PCDHGC4: variants seen among roughly 807,000 people sequenced by gnomAD.
PCDHGC4 encodes the protein protocadherin gamma subfamily C, 4.
PCDHGC4 carries 15 observed loss-of-function variants against 59.7 expected under a neutral mutation model. That is an observed-to-expected ratio of 0.25 (90% CI 0.17 to 0.39). The LOEUF (loss-of-function observed/expected upper bound fraction) is 0.39, where lower values mean the gene tolerates loss of function less well. Among genes scored for constraint, PCDHGC4 ranks in the 10% least tolerant of loss-of-function variants. The probability of loss-of-function intolerance (pLI) is 1.00; values close to 1 mark genes in which losing one functional copy is unlikely to be tolerated. For missense variants in PCDHGC4, 1,016 were observed against 1,189.5 expected, an observed-to-expected ratio of 0.85 and a Z score of 2.15; for synonymous variants, 434 against 481.4, an observed-to-expected ratio of 0.90 and a Z score of 1.29.
intron 2 of PCDHGC4, among the ~76,000 whole-genome samples, chr5:141,501,061 G>T (rs746369272): frequency 1.5e-4 from 23 of 152,118 alleles, no homozygotes; most frequent in Non-Finnish European, 2.1e-4. Flanking sequence ...TAGAGACGGG[G>T]TTTCACCATG....
At position 141,494,872 on chromosome 5, in the gene PCDHGC4, G is replaced by T. The variant is rs917132299; in HGVS notation, c.2501+7G>T. On this transcript the variant is annotated splice_region_variant and intron_variant, in intron 2 of 3. Transcript: ENST00000306593. The stretch of plus-strand genomic sequence containing the variant: ...AGAGACCCGGCACCAGCGGGTAGGT[G>T]ACTGATTCTCCAGCCCACCCTCTTC... 7 of 1,614,010 alleles carry T rather than the reference G, an allele frequency of 4.3e-6. No homozygotes were observed. The highest frequency in any genetic ancestry group is 1.3e-5 in the African/African-American group (1 of 74,910).
At chr5:141,500,315 G>C (rs944076867) in intron 2 of PCDHGC4, among the ~76,000 whole-genome samples, 41 of 151,522 alleles carry the variant, frequency 2.7e-4, no homozygotes, top group African/African-American at 9.5e-4. Flanking sequence ...TTCACGCCAT[G>C]CTCCTGCCTC....
At position 141,487,578 on chromosome 5, in the gene PCDHGC4, C is replaced by T. The variant is rs1293087014; in HGVS notation, c.2405C>T (p.Pro802Leu). The T allele has an allele frequency of 1.2e-6, 2 of 1,614,052 alleles. No individual in the cohort carries two copies. Among genetic ancestry groups the T allele is most frequent in the Non-Finnish European group, 1.7e-6 (2 of 1,180,044 alleles). ...CCTATGGCAGGGGAGCCTGTTCGCC[C>T]AAGCTGCCCACCCTCTGATCTTCTC... ...SAPMAGEPVR[P>L]SCPPSDLLYG... is the part of the protein sequence containing the mutation. Residue 802 changes from proline to leucine, a missense_variant, in exon 1 of 4, where the codon CCA becomes CTA. By Grantham distance (98) the Pro-to-Leu change is moderately conservative (BLOSUM62 -3). Coordinates refer to ENST00000306593, the MANE Select transcript of PCDHGC4 (RefSeq NM_018928.3). The surrounding 1 kb of genome is among the most constrained non-coding windows in gnomAD (Gnocchi z 5.0).
chr5:141,495,005 C>T (rs555909709), intron 2 of PCDHGC4, 140 bp downstream of exon 2: 1,141 of 1,522,692 alleles, frequency 7.5e-4, no homozygotes, highest in Non-Finnish European at 8.4e-4. Context: ...TCTTGGTGTG[C>T]GGGGGGCTGG....
In PCDHGC4 at chr5:141,511,036, G is replaced by T; in HGVS notation, c.2680G>T (p.Val894Leu). The T allele has an allele frequency of 1.2e-6, 2 of 1,614,200 alleles. No homozygotes were observed. The highest frequency in any genetic ancestry group is 1.7e-6 in the Non-Finnish European group (2 of 1,180,024). Residue 894 changes from valine to leucine, a missense_variant, in exon 4 of 4, where the codon GTG (valine) becomes TTG (leucine). Transcript: ENST00000306593. ...RYGPQFTLQHVPDYRQNVYIP... is the reference protein window; with the variant it reads ...RYGPQFTLQHLPDYRQNVYIP... Reference sequence around the variant, plus strand: ...CGGACCCCAGTTCACCCTGCAGCACGTGCCCGACTACCGCCAGAATGTCTA... The same window carrying T: ...CGGACCCCAGTTCACCCTGCAGCACTTGCCCGACTACCGCCAGAATGTCTA...
chr5:141,486,346 C>G lies in PCDHGC4; in HGVS notation c.1173C>G (p.Asp391Glu). 1 of 1,614,120 alleles carries G rather than the reference C, an allele frequency of 6.2e-7. No individual in the cohort carries two copies. Among genetic ancestry groups the G allele is most frequent in the East Asian group, 2.2e-5 (1 of 44,874 alleles). ...SNGDVSLRIP[D>E]HLPFALKSAF... ...GAGATGTGAGCCTCCGCATTCCTGA[C>G]CACTTGCCATTTGCCCTCAAGTCTG... Residue 391 changes from aspartate (D) to glutamate (E), a missense_variant, in exon 1 of 4, where the codon GAC (aspartate) becomes GAG (glutamate). Coordinates refer to ENST00000306593, the MANE Select transcript of PCDHGC4 (RefSeq NM_018928.3). This position sits in a 1 kb window ranked among gnomAD's most constrained non-coding sequence, Gnocchi z 5.0.
chr5:141,491,783 A>C lies in PCDHGC4; in HGVS notation c.2443-3024A>C. 1 of 1,539,736 alleles carries C rather than the reference A, an allele frequency of 6.5e-7. No individual in the cohort carries two copies. The highest frequency in any genetic ancestry group is 1.2e-5 in the South Asian group (1 of 82,444). On this transcript the variant is annotated intron_variant, in intron 1 of 3. Coordinates refer to ENST00000306593, the MANE Select transcript of PCDHGC4 (RefSeq NM_018928.3). The surrounding 1 kb of genome is among the most constrained non-coding windows in gnomAD (Gnocchi z 6.9). ...CGTCCTCATAAGGGATTGAACTTGC[A>C]TCCACTCCTCTCCGGCCGGCTTGGT...
In PCDHGC4 at chr5:141,489,087, T is replaced by A. The variant is rs2099682381; in HGVS notation, c.2442+1472T>A. ...CCCCCTGCCCACCCCCGCCACTCGG[T>A]GACTAAGAACTGCTGCAAGCAGGCA... is the stretch of plus-strand genomic sequence containing the variant. On this transcript the variant is annotated intron_variant, in intron 1 of 3. Coordinates refer to ENST00000306593, the MANE Select transcript of PCDHGC4 (RefSeq NM_018928.3). This position sits in a 1 kb window ranked among gnomAD's most constrained non-coding sequence, Gnocchi z 4.5. The A allele has an allele frequency of 4.6e-6, 1 of 216,106 alleles. No individual in the cohort carries two copies. Among genetic ancestry groups the A allele is most frequent in the Non-Finnish European group, 8.4e-6 (1 of 118,734 alleles). 13.4% of individuals were successfully genotyped at this position (216,106 alleles called of 1,614,324 possible). A position where few individuals can be genotyped will look rare whatever the true frequency, so the allele number is the denominator to read the frequency against.
Position 141,510,957 on chromosome 5 carries a change from T to C in PCDHGC4, c.2601T>C (p.Asp867=), listed in dbSNP as rs372617587. ...MILASASEAA[D]GSSTLGGGAG... ...CCTCTGTCTCTGCAGAAGCTGCTGA[T>C]GGGAGCTCCACCCTGGGAGGGGGTG... Residue 867 remains aspartate, a synonymous_variant, in exon 4 of 4, where the codon GAT becomes GAC. Transcript: ENST00000306593. 2.5e-6 allele frequency: 4 copies of C among 1,614,134 alleles called. No individual in the cohort carries two copies. The highest frequency in any genetic ancestry group is 3.4e-6 in the Non-Finnish European group (4 of 1,180,004).
chr5:141,491,845 G>A lies in PCDHGC4; in HGVS notation c.2443-2962G>A. 6.8e-7 allele frequency: 1 copy of A among 1,463,944 alleles called. No homozygotes were observed. The highest frequency in any genetic ancestry group is 9.0e-7 in the Non-Finnish European group (1 of 1,106,126). 90.7% of individuals were successfully genotyped at this position (1,463,944 alleles called of 1,614,324 possible). ...CTCCACCCGATTCTCGGGATCATTGGACCGTTTGCGCGAAACCAGAGTGGC... is the reference window on the plus strand; with the variant it reads ...CTCCACCCGATTCTCGGGATCATTGAACCGTTTGCGCGAAACCAGAGTGGC... On this transcript the variant is annotated intron_variant, in intron 1 of 3. Coordinates refer to ENST00000306593, the MANE Select transcript of PCDHGC4 (RefSeq NM_018928.3). This position sits in a 1 kb window ranked among gnomAD's most constrained non-coding sequence, Gnocchi z 6.9.
In PCDHGC4 at chr5:141,485,580, A is replaced by C. The variant is rs761157560; in HGVS notation, c.407A>C (p.Gln136Pro). The C allele has an allele frequency of 6.2e-7, 1 of 1,612,610 alleles. No homozygotes were observed. The highest frequency in any genetic ancestry group is 2.2e-5 in the East Asian group (1 of 44,850). ...GATCACGCCCCCCGTTTTCCGCGGCAGCAGCTGGACTTGGAAATTGGGGAG... is the reference window on the plus strand; with the variant it reads ...GATCACGCCCCCCGTTTTCCGCGGCCGCAGCTGGACTTGGAAATTGGGGAG... ...VNDHAPRFPR[Q>P]QLDLEIGEAA... Residue 136 changes from glutamine (Q) to proline (P), a missense_variant, in exon 1 of 4, where the codon CAG (glutamine) becomes CCG (proline). Transcript: ENST00000306593. The surrounding 1 kb of genome is among the most constrained non-coding windows in gnomAD (Gnocchi z 5.7).
At position 141,485,162 on chromosome 5, in the gene PCDHGC4, C is replaced by A. The variant is rs759021453; in HGVS notation, c.-12C>A. The A allele has an allele frequency of 8.7e-6, 14 of 1,602,188 alleles. No individual in the cohort carries two copies. The Admixed American group carries it at 2.0e-4, about 23-fold the overall frequency. ...GTCTCAGGAGCAAGTAGAGAATTAGCGGGCGGCAGCAATGCTCCGCAAGGT... is the reference window on the plus strand; with the variant it reads ...GTCTCAGGAGCAAGTAGAGAATTAGAGGGCGGCAGCAATGCTCCGCAAGGT... On this transcript the variant is annotated 5_prime_UTR_variant, in exon 1 of 4. Transcript: ENST00000306593. The surrounding 1 kb of genome is among the most constrained non-coding windows in gnomAD (Gnocchi z 5.7).
chr5:141,510,472 G>A (rs1209464436), intron 3 of PCDHGC4, among the ~76,000 whole-genome samples: 7 of 152,102 alleles, frequency 4.6e-5, no homozygotes, highest in Non-Finnish European at 1.0e-4. Context: ...GGAGTCAGAG[G>A]CTCCCTTGAG....
rs779065098 is a variant in PCDHGC4 at position 141,491,758 on chromosome 5, C to T, written c.2443-3049C>T. 1.8e-5 allele frequency: 29 copies of T among 1,578,670 alleles called. No homozygotes were observed. Among genetic ancestry groups the T allele is most frequent in the Non-Finnish European group, 2.2e-5 (26 of 1,163,530 alleles). ...TGGGGGCGGCACTGGAGAAGCCGCC[C>T]GTCCTCATAAGGGATTGAACTTGCA... On this transcript the variant is annotated intron_variant, in intron 1 of 3. Transcript: ENST00000306593. The surrounding 1 kb of genome is among the most constrained non-coding windows in gnomAD (Gnocchi z 6.9).
chr5:141,490,910 A>G lies in PCDHGC4; in HGVS notation c.2442+3295A>G. The G allele has an allele frequency of 1.2e-6, 2 of 1,613,652 alleles. No individual in the cohort carries two copies. Among genetic ancestry groups the G allele is most frequent in the African/African-American group, 1.3e-5 (1 of 75,048 alleles). ...TCTCTGCATGTGTTTGTCCTAGACG[A>G]GAATGATAATGCCCCAGCTGTGCTG... On this transcript the variant is annotated intron_variant, in intron 1 of 3. Transcript: ENST00000306593. This position sits in a 1 kb window ranked among gnomAD's most constrained non-coding sequence, Gnocchi z 5.4.
Position 141,490,973 on chromosome 5 carries a change from G to A in PCDHGC4, c.2442+3358G>A, listed in dbSNP as rs774983500. 5.0e-6 allele frequency: 8 copies of A among 1,613,932 alleles called. No homozygotes were observed. The highest frequency in any genetic ancestry group is 2.2e-5 in the East Asian group (1 of 44,878). On this transcript the variant is annotated intron_variant, in intron 1 of 3. Transcript: ENST00000306593. The surrounding 1 kb of genome is among the most constrained non-coding windows in gnomAD (Gnocchi z 5.4). ...GACTGGGAACACTCAGCCCCCCAGC[G>A]TCTCCCTCGCTCTGCTCCTCCTGGC...
At chr5:141,502,697 T>C (rs893610041) in intron 2 of PCDHGC4, among the ~76,000 whole-genome samples, 13 of 152,208 alleles carry the variant, frequency 8.5e-5, no homozygotes, top group African/African-American at 3.1e-4. Context: ...CTTGCCTGTA[T>C]CTGTTTTTAC....
At chr5:141,498,338 G>A (rs2237079) in intron 2 of PCDHGC4, among the ~76,000 whole-genome samples, 68,665 of 151,630 alleles carry the variant, frequency 0.45, 15,766 homozygotes, top group Admixed American at 0.55. Flanking sequence ...CATTCCAAAT[G>A]GGAAAAGCCT....
chr5:141,504,907 A>G (rs2099841813), intron 2 of PCDHGC4, among the ~76,000 whole-genome samples: 1 of 152,100 alleles, frequency 6.6e-6, no homozygotes, highest in African/African-American at 2.4e-5. Context: ...TCACTATGAC[A>G]GGAAGCCAGG....
Sources: allele counts gnomAD v4.1 joint callset (sites outside exome capture counted in the v4.1 genomes callset), GRCh38; gene constraint gnomAD v4.1.1; non-coding constraint Gnocchi (gnomAD v3.1); transcripts MANE v1.5; gene names NCBI Gene and HGNC (gene_info 2026-07-23, HGNC 2026-07-21).